Variants in GPC6 observed in about 807,000 individuals in gnomAD.
The protein encoded by GPC6 is glypican-6.
A neutral mutation model predicts 55.2 loss-of-function variants in GPC6; 14 were observed. The ratio of observed to expected loss-of-function variants is 0.25; its 90% CI spans 0.17 to 0.40. The LOEUF (loss-of-function observed/expected upper bound fraction) is 0.40. Ranked by LOEUF, GPC6 falls within the 10% of genes least tolerant of loss-of-function variation. GPC6 has a pLI of 1.00. For missense variants in GPC6, 641 were observed against 708.5 expected, an observed-to-expected ratio of 0.90 and a Z score of 1.08; for synonymous variants, 278 against 259.6, an observed-to-expected ratio of 1.07 and a Z score of -0.68.
intron 2 of GPC6, among the ~76,000 whole-genome samples, chr13:93,575,658 A>C (rs749205981): frequency 6.6e-5 from 10 of 152,326 alleles, no homozygotes; most frequent in Non-Finnish European, 1.2e-4. Context: ...TCTTATAAGT[A>C]GAAGAGATTA....
At chr13:94,370,992 A>G (rs1259285722) in intron 6 of GPC6, among the ~76,000 whole-genome samples, 1 of 152,174 alleles carries the variant, frequency 6.6e-6, no homozygotes, top group Non-Finnish European at 1.5e-5. Context: ...AAGAAATCCA[A>G]AGTTTCTTTT....
chr13:94,261,397 T>TGC (rs1296383564), intron 4 of GPC6, among the ~76,000 whole-genome samples: 5 of 152,186 alleles, frequency 3.3e-5, no homozygotes, highest in African/African-American at 1.2e-4. Context: ...GAAGAGCAAG[T>TGC]GCTATGTTCT....
chr13:94,167,314 C>T (rs1888402173), intron 4 of GPC6, among the ~76,000 whole-genome samples: 1 of 152,114 alleles, frequency 6.6e-6, no homozygotes, highest in Non-Finnish European at 1.5e-5. Context: ...AGAGAGAGTG[C>T]AAGAGGGCGT....
At chr13:93,436,076 C>T (rs1214555146) in intron 1 of GPC6, among the ~76,000 whole-genome samples, 1 of 152,082 alleles carries the variant, frequency 6.6e-6, no homozygotes, top group African/African-American at 2.4e-5. Flanking sequence ...TGTTTGAGAC[C>T]AATTGTAGAT....
chr13:93,255,999 TG>T (rs111926506), intron 1 of GPC6, among the ~76,000 whole-genome samples: 6,320 of 151,690 alleles, frequency 0.042, 243 homozygotes, highest in East Asian at 0.18. Flanking sequence ...CTGGGTGCAG[TG>T]GTGCACGCCT....
chr13:93,947,230 T>C (rs1247742645), intron 3 of GPC6, among the ~76,000 whole-genome samples: 2 of 152,220 alleles, frequency 1.3e-5, no homozygotes, highest in Non-Finnish European at 2.9e-5. Flanking sequence ...GAGTCTTCAA[T>C]GTGTAGATTT....
chr13:94,153,375 A>T (rs1887812330), intron 4 of GPC6, among the ~76,000 whole-genome samples: 1 of 152,218 alleles, frequency 6.6e-6, no homozygotes, highest in East Asian at 1.9e-4. Flanking sequence ...TTAACAAATA[A>T]GAGAATTATG....
intron 2 of GPC6, among the ~76,000 whole-genome samples, chr13:93,780,363 G>T (rs992329049): frequency 6.6e-6 from 1 of 151,264 alleles, no homozygotes; most frequent in Admixed American, 6.6e-5. Flanking sequence ...GATGCTATTT[G>T]CTATTGTAAA....
At chr13:94,218,785 A>C (rs1890296570) in intron 4 of GPC6, among the ~76,000 whole-genome samples, 1 of 152,128 alleles carries the variant, frequency 6.6e-6, no homozygotes, top group Non-Finnish European at 1.5e-5. Context: ...TTTGCATAAG[A>C]ATCACCTTGG....
chr13:93,867,622 T>C (rs1889008586), intron 3 of GPC6, among the ~76,000 whole-genome samples: 1 of 151,744 alleles, frequency 6.6e-6, no homozygotes, highest in South Asian at 2.1e-4. Context: ...CCCAAATGGA[T>C]GGAATCAACA....
chr13:93,754,120 A>C (rs1332748471), intron 2 of GPC6, among the ~76,000 whole-genome samples: 1 of 152,144 alleles, frequency 6.6e-6, no homozygotes, highest in African/African-American at 2.4e-5. Flanking sequence ...TGACAATTTA[A>C]ACCATATTAT....
At chr13:94,007,360 A>ATCGC (rs1316849124) in intron 3 of GPC6, among the ~76,000 whole-genome samples, 1 of 152,230 alleles carries the variant, frequency 6.6e-6, no homozygotes, top group African/African-American at 2.4e-5. Flanking sequence ...AGCAGGAGGA[A>ATCGC]TCGCTGCCCT....
intron 6 of GPC6, among the ~76,000 whole-genome samples, chr13:94,356,821 G>T (rs548985449): frequency 9.9e-5 from 15 of 152,278 alleles, no homozygotes; most frequent in Admixed American, 8.5e-4. Context: ...AGGGTTGTTT[G>T]AGCCCGGGAG....
chr13:94,170,628 C>T (rs1056571558), intron 4 of GPC6, among the ~76,000 whole-genome samples: 1 of 152,208 alleles, frequency 6.6e-6, no homozygotes, highest in African/African-American at 2.4e-5. Flanking sequence ...TAACTCTTTG[C>T]TATCCTCAAA....
At chr13:93,338,271 A>T (rs1880114114) in intron 1 of GPC6, among the ~76,000 whole-genome samples, 1 of 152,204 alleles carries the variant, frequency 6.6e-6, no homozygotes, top group South Asian at 2.1e-4. Context: ...GAAAAGGTAG[A>T]TCTTAAGGAT....
At chr13:94,207,672 G>A (rs1466866988) in intron 4 of GPC6, among the ~76,000 whole-genome samples, 1 of 152,146 alleles carries the variant, frequency 6.6e-6, no homozygotes, top group Non-Finnish European at 1.5e-5. Context: ...ACCATCAGCA[G>A]AACTTAGTTA....
At chr13:93,752,902 CACA>C (rs1461084828) in intron 2 of GPC6, among the ~76,000 whole-genome samples, 1 of 152,190 alleles carries the variant, frequency 6.6e-6, no homozygotes, top group Non-Finnish European at 1.5e-5. Context: ...CAGCGGGTTG[CACA>C]ACATTAACTT....
At chr13:93,256,516 C>A (rs547483685) in intron 1 of GPC6, among the ~76,000 whole-genome samples, 3 of 152,208 alleles carry the variant, frequency 2.0e-5, no homozygotes, top group African/African-American at 7.2e-5. Context: ...CTCTGAAAGG[C>A]AGGATCAGGT....
At chr13:94,021,260 G>GTATA (rs57597417) in intron 3 of GPC6, among the ~76,000 whole-genome samples, 18,367 of 146,118 alleles carry the variant, frequency 0.13, 1,306 homozygotes, top group East Asian at 0.32. Flanking sequence ...TTCATTGTGT[G>GTATA]TATATATATA....
Sources: allele counts gnomAD v4.1 joint callset (sites outside exome capture counted in the v4.1 genomes callset), GRCh38; gene constraint gnomAD v4.1.1; transcripts MANE v1.5; gene names NCBI Gene and HGNC (gene_info 2026-07-23, HGNC 2026-07-21).